The following SAE1 variants were observed in gnomAD, a reference collection of about 807,000 sequenced individuals.
SAE1 encodes SUMO-activating enzyme subunit 1.
A neutral mutation model predicts 40.6 loss-of-function variants in SAE1; 11 were observed. That is an observed-to-expected ratio of 0.27 (90% CI 0.17 to 0.45). The LOEUF (loss-of-function observed/expected upper bound fraction) is 0.45. SAE1 is among the 20% of genes least tolerant of loss of function. SAE1 has a pLI of 1.00. For synonymous variants in SAE1, 155 were observed against 154.3 expected (o/e 1.00, Z -0.03); for missense variants, 373 against 427.3 (o/e 0.87, Z 1.12).
chr19:47,146,628 A>G (rs1463600780), intron 2 of SAE1, among the ~76,000 whole-genome samples: 8 of 152,206 alleles, frequency 5.3e-5, no homozygotes, highest in Admixed American at 5.2e-4. Context: ...TCAAGGACCC[A>G]TTACCATCCC....
At chr19:47,142,523 T>A (rs1600151127) in intron 1 of SAE1, 1 of 62,568 alleles carries the variant, frequency 1.6e-5, no homozygotes, top group Admixed American at 1.9e-4. Flanking sequence ...TGAGCCACCA[T>A]CATCCTCCCT....
At chr19:47,140,223 T>C (rs1017989433) in intron 1 of SAE1, among the ~76,000 whole-genome samples, 25 of 149,984 alleles carry the variant, frequency 1.7e-4, no homozygotes, top group African/African-American at 5.6e-4. Flanking sequence ...TCTCTTGCCT[T>C]AGCCTCCCGA....
At position 47,169,535 on chromosome 19, in the gene SAE1, G is replaced by A. The variant is rs567989983; in HGVS notation, c.628-283G>A. Among the ~76,000 whole-genome samples the A allele has an allele frequency of 8.5e-5, 13 of 152,268 alleles. No homozygotes were observed. In the South Asian group the frequency reaches 1.4e-3, roughly 17 times the overall value. ...GTTGGGATTACAGGTGTGACCCACC[G>A]CGCCTGGCCCAGTGAGAGTTAAAGG... On this transcript the variant is annotated intron_variant, in intron 5 of 8. Transcript: ENST00000270225.
chr19:47,134,156 C>T (rs186538573), intron 1 of SAE1, among the ~76,000 whole-genome samples: 399 of 152,192 alleles, frequency 2.6e-3, no homozygotes, highest in African/African-American at 9.1e-3. Flanking sequence ...CCACCATGCC[C>T]GGCCTCAGAT....
rs538396069 is a variant in SAE1, at chr19:47,154,827, G to A, written c.528-287G>A. ...GGCTATTTATTTCATGATTCAAGTA[G>A]AGTGTTTACAAAGTAATCACTTTGA... On this transcript the variant is annotated intron_variant, in intron 4 of 8. Coordinates refer to ENST00000270225, the MANE Select transcript of SAE1 (RefSeq NM_005500.3). 9.2e-5 allele frequency among the ~76,000 whole-genome samples: 14 copies of A among 152,292 alleles called. No individual in the cohort carries two copies. In the East Asian group the frequency reaches 2.5e-3, roughly 27 times the overall value.
At chr19:47,155,318 C>A in intron 5 of SAE1, 105 bp downstream of exon 5, 2 of 738,968 alleles carry the variant, frequency 2.7e-6, no homozygotes, top group South Asian at 1.7e-5. Context: ...AGGGGTGGGG[C>A]GGGTGCTTGT....
chr19:47,183,622 G>A (rs1196160291), intron 6 of SAE1, among the ~76,000 whole-genome samples: 1 of 151,912 alleles, frequency 6.6e-6, no homozygotes, highest in Non-Finnish European at 1.5e-5. Flanking sequence ...TTTCTTAGCA[G>A]GCCCACATCT....
intron 5 of SAE1, among the ~76,000 whole-genome samples, chr19:47,156,106 CA>C (rs922847346): frequency 1.3e-5 from 2 of 150,572 alleles, no homozygotes; most frequent in Non-Finnish European, 1.5e-5. Flanking sequence ...CCCGTGTCTA[CA>C]AAAAAAATGT....
intron 7 of SAE1, among the ~76,000 whole-genome samples, chr19:47,197,632 CATT>C (rs1163136814): frequency 2.0e-5 from 3 of 152,162 alleles, no homozygotes; most frequent in East Asian, 1.9e-4. Context: ...GATCTGTAAA[CATT>C]ATTCTCTACC....
chr19:47,196,332 G>GGT (rs1568608690), intron 6 of SAE1, among the ~76,000 whole-genome samples: 30 of 76,326 alleles, frequency 3.9e-4, no homozygotes, highest in Admixed American at 9.6e-4. Context: ...ACCGCGCCTG[G>GGT]CTTTTTTTTT....
At chr19:47,135,341 T>A in intron 1 of SAE1, among the ~76,000 whole-genome samples, 1 of 152,116 alleles carries the variant, frequency 6.6e-6, no homozygotes, top group East Asian at 1.9e-4. Flanking sequence ...CTACCCTTCC[T>A]AGCCTCTGGT....
chr19:47,200,160 C>T (rs980038111), intron 7 of SAE1, among the ~76,000 whole-genome samples: 1 of 151,748 alleles, frequency 6.6e-6, no homozygotes, highest in African/African-American at 2.4e-5. Context: ...GTCTTGATCT[C>T]CTGACCTCAT....
chr19:47,210,295 T>G lies in SAE1; in HGVS notation c.*1044T>G, dbSNP rs2123337332. On this transcript the variant is annotated 3_prime_UTR_variant, in exon 9 of 9. Coordinates refer to ENST00000270225, the MANE Select transcript of SAE1 (RefSeq NM_005500.3). Reference sequence around the variant, plus strand: ...GCTCTAACTCAAGAGATTCCTCCTCTCCCTCACCATTCCTGCCACCATTTT... The same window carrying G: ...GCTCTAACTCAAGAGATTCCTCCTCGCCCTCACCATTCCTGCCACCATTTT... 6.6e-6 allele frequency: 1 copy of G among 152,278 alleles called. No homozygotes were observed. The highest frequency in any genetic ancestry group is 3.4e-3 in the Middle Eastern group (1 of 294). 9.4% of individuals were successfully genotyped at this position (152,278 alleles called of 1,614,324 possible).
chr19:47,143,109 A>ATT, intron 1 of SAE1, among the ~76,000 whole-genome samples: 1 of 145,598 alleles, frequency 6.9e-6, no homozygotes, highest in East Asian at 2.0e-4. Context: ...AACCAAAATG[A>ATT]TTTTTTTTTT....
intron 2 of SAE1, among the ~76,000 whole-genome samples, chr19:47,149,387 T>G (rs2058273550): frequency 1.3e-5 from 2 of 151,712 alleles, no homozygotes; most frequent in South Asian, 4.2e-4. Context: ...GCCAGGTTGG[T>G]CTCAAACTCC....
intron 1 of SAE1, among the ~76,000 whole-genome samples, chr19:47,138,448 G>A (rs1416508221): frequency 6.6e-6 from 1 of 152,194 alleles, no homozygotes; most frequent in East Asian, 1.9e-4. Context: ...TACATACAAA[G>A]AGCTTAGTAG....
intron 2 of SAE1, 66 bp from the exon 3 acceptor site, chr19:47,150,136 G>T: frequency 1.7e-4 from 163 of 940,050 alleles, no homozygotes; most frequent in Middle Eastern, 3.8e-4. Flanking sequence ...AAAATTTAAA[G>T]ATTCTTTTTA....
At chr19:47,152,822 A>T in intron 3 of SAE1, 76 bp from the exon 4 acceptor site, 1 of 1,404,044 alleles carries the variant, frequency 7.1e-7, no homozygotes, top group Non-Finnish European at 9.9e-7. Flanking sequence ...ACTGTTCATT[A>T]AGATTTATTT....
At chr19:47,132,565 C>T (rs191904994) in intron 1 of SAE1, among the ~76,000 whole-genome samples, 3 of 151,802 alleles carry the variant, frequency 2.0e-5, no homozygotes, top group African/African-American at 7.2e-5. Flanking sequence ...GCATGAGCTA[C>T]CATGCCTGGC....
Sources: gnomAD v4.1 joint callset for allele counts (sites outside exome capture counted in the v4.1 genomes callset) on GRCh38, gnomAD v4.1.1 for gene constraint, MANE v1.5 for transcripts, NCBI Gene and HGNC (gene_info 2026-07-23, HGNC 2026-07-21) for gene names.